Variants in DLG2 observed in about 807,000 individuals in gnomAD.
The protein encoded by DLG2 is discs large MAGUK scaffold protein 2.
DLG2 carries 45 observed loss-of-function variants against 132.5 expected under a neutral mutation model. The ratio of observed to expected loss-of-function variants is 0.34; its 90% CI spans 0.27 to 0.44. DLG2 has a LOEUF of 0.44. Among genes scored for constraint, DLG2 ranks in the 20% least tolerant of loss-of-function variants. The pLI, the probability that DLG2 is intolerant of heterozygous loss-of-function variation, is 1.00. For synonymous variants in DLG2, 424 were observed against 419.6 expected (o/e 1.01, Z -0.13); for missense variants, 1,045 against 1,196.9 (o/e 0.87, Z 1.87).
chr11:84,396,083 T>C (rs2098809979), intron 7 of DLG2, among the ~76,000 whole-genome samples: 1 of 152,230 alleles, frequency 6.6e-6, no homozygotes, highest in African/African-American at 2.4e-5. Context: ...TTTTGAGTGT[T>C]CTTTTAGGCC....
rs1181575384 is a variant in DLG2, at chr11:83,821,867, C to CA, written c.1722+11746dup. ...TTCCATCAACATATAAACACTGTTA[C>CA]AAAAAACAAACTCTACCCTCAAGTT... On this transcript the variant is annotated intron_variant, in intron 17 of 27. Coordinates refer to ENST00000376104, the MANE Select transcript of DLG2 (RefSeq NM_001142699.3). 3.3e-5 allele frequency among the ~76,000 whole-genome samples: 5 copies of CA among 152,112 alleles called. 1 individual carries two copies. Among genetic ancestry groups the CA allele is most frequent in the African/African-American group, 9.7e-5 (4 of 41,422 alleles).
intron 19 of DLG2, among the ~76,000 whole-genome samples, chr11:83,593,550 C>T (rs557578515): frequency 1.8e-4 from 27 of 150,828 alleles, no homozygotes; most frequent in South Asian, 1.0e-3. Context: ...TGCTAGATGA[C>T]GAGTTAGTGG....
intron 10 of DLG2, among the ~76,000 whole-genome samples, chr11:84,089,051 G>A (rs766547285): frequency 2.0e-5 from 3 of 152,192 alleles, no homozygotes; most frequent in Non-Finnish European, 4.4e-5. Flanking sequence ...GAAATTGACA[G>A]GTTGGATGTT....
At chr11:85,143,560 G>A (rs1482240610) in intron 5 of DLG2, among the ~76,000 whole-genome samples, 1 of 151,536 alleles carries the variant, frequency 6.6e-6, no homozygotes, top group Non-Finnish European at 1.5e-5. Flanking sequence ...TAATGCAGGT[G>A]CTTATTGGTA....
At chr11:84,386,873 G>A (rs1220854477) in intron 7 of DLG2, among the ~76,000 whole-genome samples, 1 of 151,986 alleles carries the variant, frequency 6.6e-6, no homozygotes, top group East Asian at 1.9e-4. Flanking sequence ...TACTTCACCA[G>A]CCTTCCTAGA....
At chr11:85,510,263 G>T (rs184944077) in intron 3 of DLG2, among the ~76,000 whole-genome samples, 1 of 152,144 alleles carries the variant, frequency 6.6e-6, no homozygotes, top group Non-Finnish European at 1.5e-5. Context: ...ATACCAGGAA[G>T]AACTGATAGG....
intron 7 of DLG2, among the ~76,000 whole-genome samples, chr11:84,325,417 T>C (rs7113310): frequency 1.3e-5 from 2 of 151,972 alleles, no homozygotes; most frequent in African/African-American, 2.4e-5. Flanking sequence ...TGTGTCCATG[T>C]GTTCTCTTTG....
chr11:85,221,564 A>C, intron 4 of DLG2, among the ~76,000 whole-genome samples: 1 of 152,328 alleles, frequency 6.6e-6, no homozygotes. Flanking sequence ...TAAATCCAAT[A>C]ATTTACATTT....
At chr11:84,365,010 G>A (rs1362685488) in intron 7 of DLG2, among the ~76,000 whole-genome samples, 2 of 152,058 alleles carry the variant, frequency 1.3e-5, no homozygotes, top group Non-Finnish European at 2.9e-5. Flanking sequence ...TTGGTATCAG[G>A]ATGATGCTGG....
intron 3 of DLG2, among the ~76,000 whole-genome samples, chr11:85,507,946 T>G (rs2093972520): frequency 6.6e-6 from 1 of 152,142 alleles, no homozygotes; most frequent in African/African-American, 2.4e-5. Flanking sequence ...CTCACTTCAT[T>G]TGATTCATTT....
intron 6 of DLG2, among the ~76,000 whole-genome samples, chr11:84,871,875 A>G (rs973318613): frequency 6.6e-6 from 1 of 152,098 alleles, no homozygotes; most frequent in Admixed American, 6.5e-5. Flanking sequence ...GGGTTTCACC[A>G]TGTTGGCCAG....
intron 6 of DLG2, among the ~76,000 whole-genome samples, chr11:84,723,288 C>T (rs1337350515): frequency 6.6e-6 from 1 of 152,176 alleles, no homozygotes; most frequent in East Asian, 1.9e-4. Context: ...AGCATTAAGG[C>T]TGCTATGTGC....
intron 18 of DLG2, among the ~76,000 whole-genome samples, chr11:83,707,027 A>C (rs2084174491): frequency 6.6e-6 from 1 of 152,252 alleles, no homozygotes; most frequent in African/African-American, 2.4e-5. Flanking sequence ...TATCAAAATC[A>C]ACTCCATGAA....
chr11:84,010,993 T>A (rs568771800), intron 11 of DLG2, among the ~76,000 whole-genome samples: 1 of 152,288 alleles, frequency 6.6e-6, no homozygotes, highest in South Asian at 2.1e-4. Context: ...ACAAACTATG[T>A]AATTTTCTCC....
chr11:84,304,009 T>TG, intron 7 of DLG2, among the ~76,000 whole-genome samples: 1 of 152,312 alleles, frequency 6.6e-6, no homozygotes, highest in Non-Finnish European at 1.5e-5. Context: ...AGACAGGTCA[T>TG]GCTCTAAGGA....
chr11:84,529,477 GA>G (rs1380122033), intron 7 of DLG2, among the ~76,000 whole-genome samples: 5 of 152,088 alleles, frequency 3.3e-5, no homozygotes, highest in African/African-American at 1.2e-4. Context: ...TCCAAAAGCA[GA>G]AGTATTCCTA....
chr11:84,236,098 C>T (rs1437997177), intron 8 of DLG2, among the ~76,000 whole-genome samples: 1 of 150,412 alleles, frequency 6.6e-6, no homozygotes, highest in African/African-American at 2.4e-5. Flanking sequence ...GTAATTTCCT[C>T]AAGTTCACAA....
At chr11:83,577,914 TTA>T (rs1229932366) in intron 19 of DLG2, among the ~76,000 whole-genome samples, 5 of 126,936 alleles carry the variant, frequency 3.9e-5, no homozygotes, top group Admixed American at 1.8e-4. Flanking sequence ...ATATGTATAA[TTA>T]TATATATTTA....
rs78068761 is a variant in DLG2 at position 83,817,793 on chromosome 11, G to A, written c.1722+15821C>T. Among the ~76,000 whole-genome samples the A allele has an allele frequency of 8.7e-3, 1,330 of 152,234 alleles. 22 individuals carry two copies. The highest frequency in any genetic ancestry group is 0.03 in the African/African-American group (1,251 of 41,552). On this transcript the variant is annotated intron_variant, in intron 17 of 27. Transcript: ENST00000376104. ...TGAGAAGTTGAGGTGAGAGGATTGC[G>A]TGAGCCCAGGAGCTCAAAGGTTTAG...
Sources: allele counts gnomAD v4.1 joint callset (sites outside exome capture counted in the v4.1 genomes callset), GRCh38; gene constraint gnomAD v4.1.1; transcripts MANE v1.5; gene names NCBI Gene and HGNC (gene_info 2026-07-23, HGNC 2026-07-21).